Variants in PLCH1 observed in about 807,000 individuals in gnomAD.
PLCH1 encodes the protein 1-phosphatidylinositol 4,5-bisphosphate phosphodiesterase eta-1.
In PLCH1, 60 loss-of-function variants were observed where a neutral mutation model predicts 126.7. The observed-to-expected ratio is 0.47, with a 90% confidence interval of 0.38 to 0.59. The LOEUF (loss-of-function observed/expected upper bound fraction) is 0.59, where lower values mean the gene tolerates loss of function less well. Among genes scored for constraint, PLCH1 ranks in the 20% least tolerant of loss-of-function variants. The probability of loss-of-function intolerance (pLI) is 0.00; values close to 1 mark genes in which losing one functional copy is unlikely to be tolerated. For synonymous variants in PLCH1, 719 were observed against 734.9 expected, an observed-to-expected ratio of 0.98 and a Z score of 0.35; for missense variants, 1,723 against 2,040.0, an observed-to-expected ratio of 0.84 and a Z score of 2.99.
intron 1 of PLCH1, among the ~76,000 whole-genome samples, chr3:155,717,082 G>A (rs1747575285): frequency 6.6e-6 from 1 of 152,228 alleles, no homozygotes; most frequent in Non-Finnish European, 1.5e-5. Flanking sequence ...ACCCAGCAGG[G>A]CAGTCATCAA....
intron 2 of PLCH1, among the ~76,000 whole-genome samples, chr3:155,630,725 G>T (rs9810223): frequency 0.49 from 73,883 of 152,032 alleles, 20,343 homozygotes; most frequent in African/African-American, 0.74. Flanking sequence ...ATACAAAAAT[G>T]GTGGCAACTA....
At chr3:155,732,739 A>G (rs1748864712) in intron 1 of PLCH1, among the ~76,000 whole-genome samples, 1 of 151,856 alleles carries the variant, frequency 6.6e-6, no homozygotes, top group Non-Finnish European at 1.5e-5. Context: ...TTATCTGTGC[A>G]TGGTGGTGCA....
chr3:155,524,975 C>A (rs1366509386), intron 10 of PLCH1, among the ~76,000 whole-genome samples: 2 of 152,054 alleles, frequency 1.3e-5, no homozygotes. Flanking sequence ...CATGTTTGTA[C>A]CACTGCACTC....
chr3:155,558,029 C>G (rs1189013825), intron 8 of PLCH1, among the ~76,000 whole-genome samples: 2 of 152,214 alleles, frequency 1.3e-5, no homozygotes, highest in Admixed American at 6.5e-5. Flanking sequence ...GATTTGCTGA[C>G]AAGCCCACCT....
At chr3:155,680,316 G>A (rs1488161327) in intron 2 of PLCH1, among the ~76,000 whole-genome samples, 1 of 152,096 alleles carries the variant, frequency 6.6e-6, no homozygotes. Flanking sequence ...CCGGGAGGCA[G>A]AGGTTGCAGT....
intron 2 of PLCH1, among the ~76,000 whole-genome samples, chr3:155,687,953 T>C (rs358908): frequency 0.38 from 57,745 of 152,072 alleles, 12,475 homozygotes; most frequent in East Asian, 0.64. Context: ...TCAACACTAC[T>C]ACCTAGTAAA....
At chr3:155,660,170 G>A (rs1354825268) in intron 2 of PLCH1, among the ~76,000 whole-genome samples, 5 of 152,142 alleles carry the variant, frequency 3.3e-5, no homozygotes, top group East Asian at 1.9e-4. Context: ...GCAGTCCTCC[G>A]TGCCTAACAG....
At chr3:155,506,015 T>C (rs1718618716) in intron 12 of PLCH1, among the ~76,000 whole-genome samples, 3 of 152,088 alleles carry the variant, frequency 2.0e-5, no homozygotes. Context: ...TGGGATACTT[T>C]TAATAATTAT....
chr3:155,546,701 A>G (rs550814595), intron 10 of PLCH1, among the ~76,000 whole-genome samples: 2 of 150,732 alleles, frequency 1.3e-5, no homozygotes, highest in South Asian at 4.2e-4. Context: ...ATATAGATCA[A>G]TGGAACAGAA....
At chr3:155,491,157 T>C (rs1172542146) in intron 18 of PLCH1, among the ~76,000 whole-genome samples, 1 of 152,272 alleles carries the variant, frequency 6.6e-6, no homozygotes, top group Non-Finnish European at 1.5e-5. Flanking sequence ...GTTTTGCCCA[T>C]GCACAAATGC....
chr3:155,716,879 T>C (rs1747559004), intron 1 of PLCH1, among the ~76,000 whole-genome samples: 2 of 152,236 alleles, frequency 1.3e-5, no homozygotes, highest in Admixed American at 1.3e-4. Context: ...CATTCCAGCA[T>C]GAACCTAGTC....
chr3:155,662,517 T>G (rs1742285426), intron 2 of PLCH1, among the ~76,000 whole-genome samples: 1 of 146,330 alleles, frequency 6.8e-6, no homozygotes. Context: ...ATATACAAGT[T>G]TTTTTTTTTT....
At chr3:155,677,372 A>G (rs1339572358) in intron 2 of PLCH1, among the ~76,000 whole-genome samples, 1 of 152,206 alleles carries the variant, frequency 6.6e-6, no homozygotes, top group Non-Finnish European at 1.5e-5. Context: ...AAACTACACT[A>G]TTTACTTTCA....
chr3:155,549,443 A>G (rs775228971), intron 10 of PLCH1, among the ~76,000 whole-genome samples: 23 of 152,300 alleles, frequency 1.5e-4, no homozygotes, highest in Middle Eastern at 3.4e-3. Context: ...CTGCTTTCAG[A>G]TATGGATACA....
At chr3:155,500,874 T>C in intron 13 of PLCH1, 80 bp from the exon 14 acceptor site, 1 of 895,228 alleles carries the variant, frequency 1.1e-6, no homozygotes, top group Non-Finnish European at 1.8e-6. Flanking sequence ...AGCTGGGCTT[T>C]AAAATGCACA....
chr3:155,703,917 G>C (rs543985098), intron 2 of PLCH1, among the ~76,000 whole-genome samples: 13 of 152,124 alleles, frequency 8.5e-5, no homozygotes, highest in African/African-American at 3.1e-4. Flanking sequence ...ACTACCCTAC[G>C]AAATAGAAAG....
At chr3:155,662,803 A>G (rs1438071159) in intron 2 of PLCH1, among the ~76,000 whole-genome samples, 2 of 152,078 alleles carry the variant, frequency 1.3e-5, no homozygotes, top group African/African-American at 4.8e-5. Flanking sequence ...AGCTGGGATT[A>G]CAGGCGACAA....
rs1337889661 is a variant in PLCH1, at chr3:155,481,023, T to C, written c.5003A>G (p.Gln1668Arg). The part of the protein sequence containing the change: ...DQFCSDNSVL[Q>R]TEPSSDDKPE... ...TTTATCATCACTGCTTGGCTCAGTC[T>C]GCAAAACAGAATTATCTGAACAAAA... is the stretch of plus-strand genomic sequence containing the variant. Residue 1668 changes from glutamine to arginine, a missense_variant, in exon 23 of 23, where the codon CAG becomes CGG. Around this residue, in one of 2 missense-constraint regions of PLCH1, gnomAD observed 947 missense variants for 977.1 expected, o/e 0.97. Coordinates refer to ENST00000460012, the MANE Select transcript of PLCH1 (RefSeq NM_014996.4). This position sits in a 1 kb window ranked among gnomAD's most constrained non-coding sequence, Gnocchi z 4.2. The C allele has an allele frequency of 2.5e-6, 4 of 1,610,462 alleles. No individual in the cohort carries two copies. In the Admixed American group the frequency reaches 6.7e-5, roughly 27 times the overall value.
rs528321755 is a variant in PLCH1, at chr3:155,567,495, C to T, written c.865+736G>A. Among the ~76,000 whole-genome samples, 8 of 152,266 alleles carry T rather than the reference C, an allele frequency of 5.3e-5. No homozygotes were observed. The South Asian group carries it at 1.2e-3, about 24-fold the overall frequency. ...GGAGCAGAAGAAATGAGGGGGCCAA[C>T]GGTCAAAATTGGTGAGATAAACCAT... On this transcript the variant is annotated intron_variant, in intron 7 of 22. Transcript: ENST00000460012.
Sources: gnomAD v4.1 joint callset for allele counts (sites outside exome capture counted in the v4.1 genomes callset) on GRCh38, gnomAD v4.1.1 for gene constraint, gnomAD v4.1.1 regional missense constraint, Gnocchi (gnomAD v3.1) non-coding constraint, MANE v1.5 for transcripts, NCBI Gene and HGNC (gene_info 2026-07-23, HGNC 2026-07-21) for gene names.